The following SESTD1 variants were observed in gnomAD, a reference collection of about 807,000 sequenced individuals.
SESTD1 encodes the protein SEC14 domain and spectrin repeat-containing protein 1.
A neutral mutation model predicts 101.7 loss-of-function variants in SESTD1; 43 were observed. That is an observed-to-expected ratio of 0.42 (90% CI 0.33 to 0.55). The LOEUF is 0.55. Among genes scored for constraint, SESTD1 ranks in the 20% least tolerant of loss-of-function variants. SESTD1 has a pLI of 0.07. For synonymous variants in SESTD1, 283 were observed against 286.8 expected (o/e 0.99, Z 0.13); for missense variants, 647 against 815.1 (o/e 0.79, Z 2.51).
At chr2:179,191,501 G>T (rs572123960) in intron 2 of SESTD1, among the ~76,000 whole-genome samples, 3 of 152,130 alleles carry the variant, frequency 2.0e-5, no homozygotes, top group South Asian at 2.1e-4. Flanking sequence ...TGGGTGAGGA[G>T]AATCAATTAT....
intron 1 of SESTD1, among the ~76,000 whole-genome samples, chr2:179,258,931 C>T (rs933455555): frequency 1.2e-4 from 19 of 152,188 alleles, no homozygotes; most frequent in African/African-American, 4.3e-4. Flanking sequence ...TAAGTAGTCT[C>T]ATCCAACACT....
At chr2:179,190,205 A>G (rs931414535) in intron 2 of SESTD1, among the ~76,000 whole-genome samples, 6 of 152,310 alleles carry the variant, frequency 3.9e-5, no homozygotes, top group African/African-American at 1.4e-4. Context: ...AAACAGACAC[A>G]TGGACCAATG....
At chr2:179,196,023 T>C (rs917985124) in intron 1 of SESTD1, among the ~76,000 whole-genome samples, 7 of 152,156 alleles carry the variant, frequency 4.6e-5, no homozygotes, top group African/African-American at 1.7e-4. Flanking sequence ...ACGGGTGATT[T>C]CTGCATTTCC....
intron 10 of SESTD1, among the ~76,000 whole-genome samples, chr2:179,129,233 T>C (rs2044953461): frequency 6.6e-6 from 1 of 152,192 alleles, no homozygotes; most frequent in Non-Finnish European, 1.5e-5. Flanking sequence ...AATTCTGAAG[T>C]AGTTTCAGAT....
At chr2:179,129,916 T>C (rs571270873) in intron 10 of SESTD1, among the ~76,000 whole-genome samples, 23 of 152,310 alleles carry the variant, frequency 1.5e-4, no homozygotes, top group African/African-American at 5.5e-4. Flanking sequence ...CTCCTTCCTA[T>C]CCAGCTTCAA....
At position 179,106,172 on chromosome 2, in the gene SESTD1, A is replaced by G. The variant is rs2044378258; in HGVS notation, c.*3727T>C. ...AGAGAATTTTTCCTTTGGGGGCTTA[A>G]GCAAAGATATCCTAATCATACAGAT... is the stretch of plus-strand genomic sequence containing the variant. On this transcript the variant is annotated 3_prime_UTR_variant, in exon 18 of 18. Transcript: ENST00000428443. The G allele has an allele frequency of 6.6e-6, 1 of 152,278 alleles. No homozygotes were observed. Among genetic ancestry groups the G allele is most frequent in the East Asian group, 1.9e-4 (1 of 5,182 alleles). 9.4% of individuals were successfully genotyped at this position (152,278 alleles called of 1,614,324 possible). A position where few individuals can be genotyped will look rare whatever the true frequency, so the allele number is the denominator to read the frequency against.
chr2:179,135,125 A>C (rs1170956878), intron 9 of SESTD1, among the ~76,000 whole-genome samples: 1 of 151,928 alleles, frequency 6.6e-6, no homozygotes, highest in Non-Finnish European at 1.5e-5. Flanking sequence ...TTCTATTTTT[A>C]GTAGAGATGG....
intron 1 of SESTD1, among the ~76,000 whole-genome samples, chr2:179,223,823 T>A (rs983139869): frequency 1.3e-5 from 2 of 152,218 alleles, no homozygotes; most frequent in African/African-American, 2.4e-5. Flanking sequence ...TATCTATTAC[T>A]CTATATTGGA....
intron 5 of SESTD1, among the ~76,000 whole-genome samples, chr2:179,159,768 T>C (rs774744061): frequency 1.4e-4 from 21 of 152,034 alleles, no homozygotes; most frequent in Non-Finnish European, 2.6e-4. Flanking sequence ...AGTTTAAATA[T>C]AAAGCAATGC....
chr2:179,240,007 C>A (rs1574060118), intron 1 of SESTD1, among the ~76,000 whole-genome samples: 2 of 152,282 alleles, frequency 1.3e-5, no homozygotes, highest in South Asian at 4.1e-4. Context: ...CAGTCAAATA[C>A]CTAACAGCTT....
intron 10 of SESTD1, among the ~76,000 whole-genome samples, chr2:179,125,368 T>G (rs1224893823): frequency 6.6e-6 from 1 of 152,108 alleles, no homozygotes; most frequent in Non-Finnish European, 1.5e-5. Context: ...TATAACCACC[T>G]CCCAGCATAT....
chr2:179,149,683 A>G (rs1047782732), intron 6 of SESTD1, among the ~76,000 whole-genome samples: 8 of 152,244 alleles, frequency 5.3e-5, no homozygotes, highest in East Asian at 1.9e-4. Flanking sequence ...ATTTGCATCG[A>G]TAACAGTTCT....
At chr2:179,114,567 A>G (rs2044585818) in intron 16 of SESTD1, among the ~76,000 whole-genome samples, 2 of 152,222 alleles carry the variant, frequency 1.3e-5, no homozygotes, top group Admixed American at 6.5e-5. Flanking sequence ...AATTCATTGA[A>G]TAATAAATTC....
At chr2:179,194,529 G>A (rs1379628911) in intron 1 of SESTD1, among the ~76,000 whole-genome samples, 2 of 152,106 alleles carry the variant, frequency 1.3e-5, no homozygotes, top group Non-Finnish European at 2.9e-5. Context: ...TTGCACCCAT[G>A]AGGAAAAATC....
At chr2:179,233,369 CA>C (rs1428626353) in intron 1 of SESTD1, among the ~76,000 whole-genome samples, 1 of 152,072 alleles carries the variant, frequency 6.6e-6, no homozygotes, top group Non-Finnish European at 1.5e-5. Context: ...AAGGTAGTTA[CA>C]AATACGGAAA....
At chr2:179,147,651 C>T (rs535745785) in intron 7 of SESTD1, among the ~76,000 whole-genome samples, 5 of 152,240 alleles carry the variant, frequency 3.3e-5, no homozygotes, top group South Asian at 2.1e-4. Context: ...TGAGCCACCG[C>T]GCCCAGCCTG....
At chr2:179,123,608 AAAT>A (rs1454174595) in intron 12 of SESTD1, 104 bp downstream of exon 12, 3 of 683,832 alleles carry the variant, frequency 4.4e-6, no homozygotes, top group Non-Finnish European at 7.3e-6. Flanking sequence ...TGTTTCCTGA[AAAT>A]AATACTAATT....
At chr2:179,229,544 T>C (rs1453981705) in intron 1 of SESTD1, among the ~76,000 whole-genome samples, 1 of 151,994 alleles carries the variant, frequency 6.6e-6, no homozygotes, top group Non-Finnish European at 1.5e-5. Context: ...GATATACATA[T>C]GTTTTTAGAT....
At chr2:179,127,204 T>C (rs2044893445) in intron 10 of SESTD1, among the ~76,000 whole-genome samples, 1 of 152,240 alleles carries the variant, frequency 6.6e-6, no homozygotes, top group African/African-American at 2.4e-5. Context: ...CTCAATCATC[T>C]TCCTGTGCTG....
Sources: gnomAD v4.1 joint callset for allele counts (sites outside exome capture counted in the v4.1 genomes callset) on GRCh38, gnomAD v4.1.1 for gene constraint, MANE v1.5 for transcripts, NCBI Gene and HGNC (gene_info 2026-07-23, HGNC 2026-07-21) for gene names.